Variants in ATP10D observed in about 807,000 individuals in gnomAD.
ATP10D encodes the protein phospholipid-transporting ATPase VD.
A neutral mutation model predicts 144.8 loss-of-function variants in ATP10D; 89 were observed. The observed-to-expected ratio is 0.61, with a 90% CI of 0.52 to 0.73. ATP10D has a LOEUF of 0.73. Among genes scored for constraint, ATP10D ranks in the 30% least tolerant of loss-of-function variants. The probability of loss-of-function intolerance (pLI) is 0.00; values close to 1 mark genes in which losing one functional copy is unlikely to be tolerated. For missense variants in ATP10D, 1,603 were observed against 1,714.8 expected (o/e 0.93, Z 1.15); for synonymous variants, 571 against 615.1 (o/e 0.93, Z 1.06).
chr4:47,504,831 A>G (rs1715933761), intron 1 of ATP10D, among the ~76,000 whole-genome samples: 1 of 152,232 alleles, frequency 6.6e-6, no homozygotes, highest in Non-Finnish European at 1.5e-5. Context: ...TTGTGAAACA[A>G]TTCCTATCTT....
At chr4:47,497,411 C>T (rs1327782842) in intron 1 of ATP10D, among the ~76,000 whole-genome samples, 4 of 151,904 alleles carry the variant, frequency 2.6e-5, no homozygotes, top group African/African-American at 4.8e-5. Context: ...GCTGAGATTG[C>T]GCCGTTGCAC....
rs190503219 is a variant in ATP10D, at chr4:47,509,752, T to C, written c.-37-2752T>C. ...ACATGGATCTATCCATTTCCATGTA[T>C]AATTTCAGCTTTGTGTGAAGCCACA... On this transcript the variant is annotated intron_variant, in intron 1 of 22. Coordinates refer to ENST00000273859, the MANE Select transcript of ATP10D (RefSeq NM_020453.4). 8.5e-5 allele frequency among the ~76,000 whole-genome samples: 13 copies of C among 152,354 alleles called. No individual in the cohort carries two copies. In the East Asian group the frequency reaches 2.3e-3, roughly 27 times the overall value.
At chr4:47,582,445 T>C (rs1720564741) in intron 21 of ATP10D, among the ~76,000 whole-genome samples, 1 of 152,210 alleles carries the variant, frequency 6.6e-6, no homozygotes, top group African/African-American at 2.4e-5. Flanking sequence ...GCCTTCCTTA[T>C]AATAGAAAAA....
chr4:47,522,884 T>C (rs1215277615), intron 3 of ATP10D, 128 bp from the exon 4 acceptor site: 1 of 781,138 alleles, frequency 1.3e-6, no homozygotes. Flanking sequence ...GAGCATTTAA[T>C]AGATTAAAAT....
intron 13 of ATP10D, among the ~76,000 whole-genome samples, chr4:47,559,266 C>A (rs1458873878): frequency 6.6e-6 from 1 of 152,104 alleles, no homozygotes; most frequent in Non-Finnish European, 1.5e-5. Flanking sequence ...TCAATATGTC[C>A]GTGAGTGACT....
At chr4:47,536,343 T>C (rs13152689) in intron 7 of ATP10D, 94 bp from the exon 8 acceptor site, 1,055,284 of 1,467,108 alleles carry the variant, frequency 0.72, 384,398 homozygotes, top group East Asian at 0.84. Context: ...CCAACCAAAA[T>C]GAATACTCTC....
At position 47,591,385 on chromosome 4, in the gene ATP10D, C is replaced by A; in HGVS notation, c.*4C>A. The A allele has an allele frequency of 6.3e-7, 1 of 1,578,102 alleles. No individual in the cohort carries two copies. Among genetic ancestry groups the A allele is most frequent in the Non-Finnish European group, 8.6e-7 (1 of 1,161,584 alleles). ...CTCCAAAGGTAAAGAAAGCTAGATA[C>A]CCTCCTTGGAGTTGCAAGTATTCTT... On this transcript the variant is annotated 3_prime_UTR_variant, in exon 23 of 23. Transcript: ENST00000273859.
intron 4 of ATP10D, among the ~76,000 whole-genome samples, chr4:47,524,830 C>T (rs1717153824): frequency 7.0e-6 from 1 of 142,492 alleles, no homozygotes; most frequent in Admixed American, 6.9e-5. Flanking sequence ...GGATATTGCT[C>T]ATTAGAAAAT....
Position 47,546,737 on chromosome 4 carries a change from G to T in ATP10D, c.1510G>T (p.Val504Phe), listed in dbSNP as rs1336984892. 1 of 1,614,040 alleles carries T rather than the reference G, an allele frequency of 6.2e-7. No homozygotes were observed. Among genetic ancestry groups the T allele is most frequent in the African/African-American group, 1.3e-5 (1 of 74,920 alleles). The change falls in exon 10 of 23, where the codon GTT (valine) becomes TTT (phenylalanine). Residue 504 changes from valine to phenylalanine, a missense_variant. Physicochemically the swap from Val to Phe is conservative, Grantham distance 50 (BLOSUM62 -1). Coordinates refer to ENST00000273859, the MANE Select transcript of ATP10D (RefSeq NM_020453.4). ...ACCGAGAGCCCCCAGCTGCAGGACA[G>T]TTCATAATGGGCCTTTGGGAAATAA... ...AKPRAPSCRT[V>F]HNGPLGNKPS...
chr4:47,535,702 A>G (rs1717809978), intron 6 of ATP10D, 87 bp downstream of exon 6: 1 of 1,444,954 alleles, frequency 6.9e-7, no homozygotes, highest in Admixed American at 2.3e-5. Flanking sequence ...CAATCTGTTG[A>G]AGCAGAAAGG....
chr4:47,542,894 G>A (rs1362105722), intron 9 of ATP10D, among the ~76,000 whole-genome samples: 2 of 152,180 alleles, frequency 1.3e-5, no homozygotes, highest in African/African-American at 4.8e-5. Flanking sequence ...TAATAGCTGA[G>A]CTACCTGGAA....
chr4:47,586,846 T>C (rs189751264), intron 21 of ATP10D, among the ~76,000 whole-genome samples, 173 bp from the exon 22 acceptor site: 45 of 152,332 alleles, frequency 3.0e-4, no homozygotes, highest in African/African-American at 9.4e-4. Flanking sequence ...ATGTAATTCA[T>C]TCACAAAAAA....
In ATP10D at chr4:47,576,894, A is replaced by C. The variant is rs1408944862; in HGVS notation, c.3488A>C (p.Tyr1163Ser). ...LLFTSAPPVIYGVLEKDVSAE... is the reference protein window; with the variant it reads ...LLFTSAPPVISGVLEKDVSAE... Reference sequence around the variant, plus strand: ...TTCACATCTGCCCCTCCTGTCATTTATGGTGTTTTGGAGAAAGATGTGTCT... The same window carrying C: ...TTCACATCTGCCCCTCCTGTCATTTCTGGTGTTTTGGAGAAAGATGTGTCT... The change falls in exon 19 of 23, where the codon TAT becomes TCT. Residue 1163 changes from tyrosine to serine, a missense_variant. Tyr to Ser is a moderately radical substitution (Grantham distance 144). Transcript: ENST00000273859. 6.2e-7 allele frequency: 1 copy of C among 1,614,040 alleles called. No homozygotes were observed. The highest frequency in any genetic ancestry group is 8.5e-7 in the Non-Finnish European group (1 of 1,180,012).
chr4:47,495,026 CAAA>C, intron 1 of ATP10D, among the ~76,000 whole-genome samples: 1 of 152,170 alleles, frequency 6.6e-6, no homozygotes, highest in African/African-American at 2.4e-5. Flanking sequence ...AAACAAGAAA[CAAA>C]AACCCCAAAA....
At chr4:47,582,169 T>C (rs1467148789) in intron 21 of ATP10D, 105 bp downstream of exon 21, 1 of 918,330 alleles carries the variant, frequency 1.1e-6, no homozygotes, top group African/African-American at 1.6e-5. Context: ...AGAAGAGTAA[T>C]GAATCTATGG....
chr4:47,546,642 A>G lies in ATP10D; in HGVS notation c.1415A>G (p.Tyr472Cys). ...HEENARRLES[Y>C]QEAVSEDEDF... ...CCCACAGCCAGGAGGTTGGAGTCCT[A>G]TCAGGAAGCTGTCTCTGAAGATGAA... is the stretch of plus-strand genomic sequence containing the variant. Residue 472 changes from tyrosine (Y) to cysteine (C), a missense_variant, in exon 10 of 23, where the codon TAT becomes TGT. Tyr to Cys is a radical substitution (Grantham distance 194, BLOSUM62 -2). Transcript: ENST00000273859. 1.9e-6 allele frequency: 3 copies of G among 1,614,102 alleles called. No individual in the cohort carries two copies. Among genetic ancestry groups the G allele is most frequent in the Non-Finnish European group, 2.5e-6 (3 of 1,179,948 alleles).
chr4:47,486,417 C>T (rs956000240), intron 1 of ATP10D, among the ~76,000 whole-genome samples: 1 of 152,188 alleles, frequency 6.6e-6, no homozygotes, highest in African/African-American at 2.4e-5. Context: ...ACAGAGCAAA[C>T]CTCTAACTCA....
At chr4:47,577,753 C>G (rs11722987) in intron 19 of ATP10D, among the ~76,000 whole-genome samples, 4,036 of 152,270 alleles carry the variant, frequency 0.027, 82 homozygotes, top group Non-Finnish European at 0.04. Flanking sequence ...ATTCAGCTTT[C>G]AGGAAAGAAG....
chr4:47,505,298 G>C (rs893798508), intron 1 of ATP10D, among the ~76,000 whole-genome samples: 5 of 152,176 alleles, frequency 3.3e-5, no homozygotes, highest in South Asian at 2.1e-4. Flanking sequence ...TTGCAATAAA[G>C]TTACTTAGCA....
Sources: allele counts gnomAD v4.1 joint callset (sites outside exome capture counted in the v4.1 genomes callset), GRCh38; gene constraint gnomAD v4.1.1; transcripts MANE v1.5; gene names NCBI Gene and HGNC (gene_info 2026-07-23, HGNC 2026-07-21).